Variants in CNTNAP2 observed in about 807,000 individuals in gnomAD.
CNTNAP2 encodes the protein contactin associated protein 2.
Under a neutral mutation model 155.2 loss-of-function variants are expected in CNTNAP2, and 98 were observed. That is an observed-to-expected ratio of 0.63 (90% CI 0.54 to 0.75). CNTNAP2 has a LOEUF of 0.75. Ranked by LOEUF, CNTNAP2 falls within the 30% of genes least tolerant of loss-of-function variation. The pLI, the probability that CNTNAP2 is intolerant of heterozygous loss-of-function variation, is 0.00. For synonymous variants in CNTNAP2, 651 were observed against 631.2 expected, an observed-to-expected ratio of 1.03 and a Z score of -0.47; for missense variants, 1,727 against 1,688.1, an observed-to-expected ratio of 1.02 and a Z score of -0.40.
At chr7:146,365,026 A>G (rs938385361) in intron 1 of CNTNAP2, among the ~76,000 whole-genome samples, 3 of 152,226 alleles carry the variant, frequency 2.0e-5, no homozygotes, top group African/African-American at 4.8e-5. Flanking sequence ...TTTAAATTCC[A>G]TAAGAAAACT....
intron 10 of CNTNAP2, among the ~76,000 whole-genome samples, chr7:147,430,845 A>G (rs1477240084): frequency 6.6e-6 from 1 of 152,040 alleles, no homozygotes; most frequent in Non-Finnish European, 1.5e-5. Flanking sequence ...TGGGTGGATC[A>G]CGAGGTCAGG....
chr7:147,256,274 G>A (rs551653633), intron 8 of CNTNAP2, among the ~76,000 whole-genome samples: 4 of 152,220 alleles, frequency 2.6e-5, no homozygotes, highest in Admixed American at 6.5e-5. Context: ...GAGATCTTTC[G>A]ATTCCCAGAG....
intron 22 of CNTNAP2, among the ~76,000 whole-genome samples, chr7:148,386,874 TAGTAGGGAAAAGAGGC>T (rs1799222243): frequency 6.6e-6 from 1 of 152,036 alleles, no homozygotes; most frequent in African/African-American, 2.4e-5. Context: ...ATGCCCAGCT[TAGTAGGGAAAAGAGGC>T]AGTGGGGGAA....
At chr7:147,601,252 A>G (rs997581006) in intron 12 of CNTNAP2, among the ~76,000 whole-genome samples, 9 of 152,136 alleles carry the variant, frequency 5.9e-5, no homozygotes, top group Non-Finnish European at 1.2e-4. Flanking sequence ...GTGAGCAGCA[A>G]GGCTGTTTAT....
intron 5 of CNTNAP2, among the ~76,000 whole-genome samples, chr7:147,115,962 G>A (rs1482842987): frequency 2.0e-5 from 3 of 152,116 alleles, no homozygotes; most frequent in Non-Finnish European, 4.4e-5. Flanking sequence ...TACCTTCAAT[G>A]TTTGAAGTTG....
chr7:147,444,671 C>CA (rs905180430), intron 10 of CNTNAP2, among the ~76,000 whole-genome samples: 2 of 151,620 alleles, frequency 1.3e-5, no homozygotes, highest in Non-Finnish European at 2.9e-5. Context: ...AAATATGTTC[C>CA]AAAAAACTCC....
At chr7:146,523,956 G>A (rs1389998143) in intron 1 of CNTNAP2, among the ~76,000 whole-genome samples, 2 of 151,974 alleles carry the variant, frequency 1.3e-5, no homozygotes, top group African/African-American at 4.8e-5. Context: ...TCAAGTTGCT[G>A]ATAAAAACTC....
intron 1 of CNTNAP2, among the ~76,000 whole-genome samples, chr7:146,509,445 G>T (rs182640640): frequency 2.6e-5 from 4 of 152,262 alleles, no homozygotes; most frequent in African/African-American, 9.6e-5. Context: ...TCCCCCAAGC[G>T]CTGCCAGCAC....
chr7:147,836,422 C>A (rs955636422), intron 13 of CNTNAP2, among the ~76,000 whole-genome samples: 3 of 152,056 alleles, frequency 2.0e-5, no homozygotes, highest in African/African-American at 4.8e-5. Flanking sequence ...CCTCAGGCTT[C>A]TATGTGCTCC....
chr7:146,640,287 G>C (rs116801663), intron 1 of CNTNAP2, among the ~76,000 whole-genome samples: 1 of 152,182 alleles, frequency 6.6e-6, no homozygotes, highest in Non-Finnish European at 1.5e-5. Flanking sequence ...CCAAAGGAAA[G>C]ATACGTTTCT....
At chr7:148,160,040 A>G (rs758174061) in intron 17 of CNTNAP2, among the ~76,000 whole-genome samples, 7 of 152,132 alleles carry the variant, frequency 4.6e-5, no homozygotes, top group Non-Finnish European at 1.0e-4. Flanking sequence ...GGAGTTCAGG[A>G]CCAGCCCGGG....
At chr7:147,435,364 C>G (rs1797533171) in intron 10 of CNTNAP2, among the ~76,000 whole-genome samples, 1 of 152,156 alleles carries the variant, frequency 6.6e-6, no homozygotes, top group Non-Finnish European at 1.5e-5. Flanking sequence ...TTGAGCAAGC[C>G]TAGACTCACC....
At chr7:147,794,919 G>T (rs1047658941) in intron 13 of CNTNAP2, among the ~76,000 whole-genome samples, 3 of 151,278 alleles carry the variant, frequency 2.0e-5, no homozygotes, top group Non-Finnish European at 4.4e-5. Flanking sequence ...TTTCTGTAAA[G>T]TTCGTAGTAA....
At position 147,314,736 on chromosome 7, in the gene CNTNAP2, A is replaced by G. The variant is rs1215437130; in HGVS notation, c.1498+14446A>G. Among the ~76,000 whole-genome samples, 4 of 151,378 alleles carry G rather than the reference A, an allele frequency of 2.6e-5. 1 individual carries two copies. Among genetic ancestry groups the G allele is most frequent in the Admixed American group, 1.3e-4 (2 of 15,192 alleles). ...ATGGACTCAAGGATTCCATATGTAT[A>G]CATGATTTTAGGTTTAATATTTAAA... On this transcript the variant is annotated intron_variant, in intron 9 of 23. Transcript: ENST00000361727.
At chr7:147,590,146 C>T (rs1800709677) in intron 12 of CNTNAP2, among the ~76,000 whole-genome samples, 1 of 152,132 alleles carries the variant, frequency 6.6e-6, no homozygotes, top group African/African-American at 2.4e-5. Flanking sequence ...ATTTGTGAGT[C>T]ACACAAAAAC....
chr7:146,973,349 A>G (rs1584759202), intron 3 of CNTNAP2, among the ~76,000 whole-genome samples: 8 of 152,246 alleles, frequency 5.3e-5, no homozygotes, highest in Admixed American at 4.6e-4. Context: ...TATTTCAAGC[A>G]CTCAATAGAT....
At chr7:146,545,360 A>T (rs1390488026) in intron 1 of CNTNAP2, among the ~76,000 whole-genome samples, 3 of 151,882 alleles carry the variant, frequency 2.0e-5, no homozygotes, top group Non-Finnish European at 4.4e-5. Flanking sequence ...TTTTAAAAAT[A>T]CTTTAAATTC....
At chr7:147,485,188 A>T (rs935824675) in intron 10 of CNTNAP2, among the ~76,000 whole-genome samples, 2 of 152,182 alleles carry the variant, frequency 1.3e-5, no homozygotes, top group Non-Finnish European at 2.9e-5. Flanking sequence ...CCTGCCTATT[A>T]GTTGTCTGTT....
At chr7:146,128,676 A>G (rs1797672467) in intron 1 of CNTNAP2, among the ~76,000 whole-genome samples, 1 of 152,186 alleles carries the variant, frequency 6.6e-6, no homozygotes, top group African/African-American at 2.4e-5. Flanking sequence ...AACCAGTGTT[A>G]AATAAATACA....
Sources: gnomAD v4.1 joint callset for allele counts (sites outside exome capture counted in the v4.1 genomes callset) on GRCh38, gnomAD v4.1.1 for gene constraint, MANE v1.5 for transcripts, NCBI Gene and HGNC (gene_info 2026-07-23, HGNC 2026-07-21) for gene names.